The following ZNF521 variants were observed in gnomAD, a reference collection of about 807,000 sequenced individuals.
ZNF521 encodes the protein zinc finger protein 521, also known as LYST-interacting protein 3.
In ZNF521, 14 loss-of-function variants were observed where a neutral mutation model predicts 105.5. That is an observed-to-expected ratio of 0.13 (90% CI 0.09 to 0.21). ZNF521 has a LOEUF of 0.21. Ranked by LOEUF, ZNF521 falls within the 10% of genes least tolerant of loss-of-function variation. ZNF521 has a pLI of 1.00. For missense variants in ZNF521, 1,233 were observed against 1,629.7 expected (o/e 0.76, Z 4.19); for synonymous variants, 635 against 606.0 (o/e 1.05, Z -0.70).
intron 5 of ZNF521, among the ~76,000 whole-genome samples, chr18:25,102,673 G>T (rs1434450070): frequency 1.3e-5 from 2 of 152,044 alleles, no homozygotes; most frequent in Non-Finnish European, 2.9e-5. Flanking sequence ...GTGCTGCCAT[G>T]CATGGCCTGA....
intron 3 of ZNF521, among the ~76,000 whole-genome samples, chr18:25,244,312 A>ACT (rs760636094): frequency 1.6e-4 from 23 of 144,960 alleles, no homozygotes; most frequent in African/African-American, 4.9e-4. Flanking sequence ...ACACACACAC[A>ACT]CTCTCACCCT....
intron 5 of ZNF521, among the ~76,000 whole-genome samples, chr18:25,092,931 G>T (rs2033776953): frequency 6.6e-6 from 1 of 152,006 alleles, no homozygotes; most frequent in African/African-American, 2.4e-5. Context: ...AAAATGTAAG[G>T]ATTATCCTAA....
intron 5 of ZNF521, among the ~76,000 whole-genome samples, chr18:25,127,972 A>G (rs2034567468): frequency 6.6e-6 from 1 of 152,044 alleles, no homozygotes; most frequent in Non-Finnish European, 1.5e-5. Context: ...AACTCATTCT[A>G]TGATGCCAGC....
At position 25,062,465 on chromosome 18, in the gene ZNF521, T is replaced by C; in HGVS notation, c.*247A>G. On this transcript the variant is annotated 3_prime_UTR_variant, in exon 8 of 8. Coordinates refer to ENST00000361524, the MANE Select transcript of ZNF521 (RefSeq NM_015461.3). ...TTGCCTGAATAGGGCCCAAGTCCAC[T>C]TGTCTTTATAAGACCATTTTAGTAT... 2.2e-6 allele frequency: 1 copy of C among 464,728 alleles called. No individual in the cohort carries two copies. The highest frequency in any genetic ancestry group is 3.7e-6 in the Non-Finnish European group (1 of 272,814). 28.8% of individuals were successfully genotyped at this position (464,728 alleles called of 1,614,324 possible).
At chr18:25,064,231 G>A (rs2032990215) in intron 7 of ZNF521, among the ~76,000 whole-genome samples, 1 of 152,192 alleles carries the variant, frequency 6.6e-6, no homozygotes, top group South Asian at 2.1e-4. Flanking sequence ...GTACATAAAA[G>A]TAAAGCAAGA....
At chr18:25,303,398 C>G (rs996727709) in intron 3 of ZNF521, among the ~76,000 whole-genome samples, 3 of 151,820 alleles carry the variant, frequency 2.0e-5, no homozygotes, top group African/African-American at 7.3e-5. Flanking sequence ...TCTGGGTTCA[C>G]GCCATTCTCC....
At chr18:25,116,636 C>G (rs1361833318) in intron 5 of ZNF521, among the ~76,000 whole-genome samples, 3 of 151,892 alleles carry the variant, frequency 2.0e-5, no homozygotes, top group African/African-American at 7.2e-5. Context: ...AACCTGAAGG[C>G]ATTAGCATGT....
At position 25,308,063 on chromosome 18, in the gene ZNF521, G is replaced by A. The variant is rs544289086; in HGVS notation, c.220+13945C>T. Among the ~76,000 whole-genome samples the A allele has an allele frequency of 3.5e-4, 53 of 152,052 alleles. 1 individual carries two copies. In the South Asian group the frequency reaches 4.2e-3, roughly 12 times the overall value. On this transcript the variant is annotated intron_variant, in intron 3 of 7. Transcript: ENST00000361524. Reference sequence around the variant, plus strand: ...CTAAAAATATAAAAATTAGCTGGGCGTGATGGTGCATGCCTATAATCCCAG... The same window carrying A: ...CTAAAAATATAAAAATTAGCTGGGCATGATGGTGCATGCCTATAATCCCAG...
intron 5 of ZNF521, among the ~76,000 whole-genome samples, chr18:25,134,283 CTG>C (rs773701832): frequency 1.7e-4 from 26 of 152,246 alleles, no homozygotes; most frequent in Non-Finnish European, 1.5e-4. Flanking sequence ...AAGGAGGAAA[CTG>C]TTCTAGATCT....
At chr18:25,341,312 A>G (rs576949383) in intron 2 of ZNF521, among the ~76,000 whole-genome samples, 4 of 152,280 alleles carry the variant, frequency 2.6e-5, no homozygotes, top group Admixed American at 2.0e-4. Context: ...TTTCACCTCA[A>G]TTTTGTATAG....
chr18:25,137,425 G>A (rs993995391), intron 5 of ZNF521, among the ~76,000 whole-genome samples: 2 of 152,094 alleles, frequency 1.3e-5, no homozygotes, highest in African/African-American at 4.8e-5. Context: ...TTTCTTTGGC[G>A]GATTCCTCTG....
At chr18:25,267,291 A>C (rs1909335866) in intron 3 of ZNF521, among the ~76,000 whole-genome samples, 1 of 152,166 alleles carries the variant, frequency 6.6e-6, no homozygotes, top group African/African-American at 2.4e-5. Flanking sequence ...CGACTTATAG[A>C]TAAAACCCCC....
chr18:25,251,156 G>C (rs1028682725), intron 3 of ZNF521, among the ~76,000 whole-genome samples: 4 of 152,162 alleles, frequency 2.6e-5, no homozygotes, highest in African/African-American at 9.7e-5. Context: ...ATGCCGATTT[G>C]CTATATACTA....
chr18:25,263,636 T>C lies in ZNF521; in HGVS notation c.221-35939A>G, dbSNP rs147674617. 4.0e-3 allele frequency among the ~76,000 whole-genome samples: 605 copies of C among 152,256 alleles called. 9 individuals carry two copies. Among genetic ancestry groups the C allele is most frequent in the African/African-American group, 0.014 (581 of 41,548 alleles). Reference sequence around the variant, plus strand: ...TGTCGCCCAGGCTGGAGCACAATGATGCAATCTTGGCTCACTGCAACTTCT... The same window carrying C: ...TGTCGCCCAGGCTGGAGCACAATGACGCAATCTTGGCTCACTGCAACTTCT... On this transcript the variant is annotated intron_variant, in intron 3 of 7. Coordinates refer to ENST00000361524, the MANE Select transcript of ZNF521 (RefSeq NM_015461.3).
chr18:25,123,415 A>C (rs1236841791), intron 5 of ZNF521, among the ~76,000 whole-genome samples: 2 of 152,220 alleles, frequency 1.3e-5, no homozygotes, highest in African/African-American at 4.8e-5. Flanking sequence ...AGTCAATTGA[A>C]ATAATTCCGT....
At chr18:25,104,090 C>A (rs2144269224) in intron 5 of ZNF521, among the ~76,000 whole-genome samples, 1 of 152,224 alleles carries the variant, frequency 6.6e-6, no homozygotes, top group Middle Eastern at 3.4e-3. Context: ...ATATTACCTT[C>A]TTTAAAGCTA....
chr18:25,349,599 G>A (rs537723357), intron 2 of ZNF521, among the ~76,000 whole-genome samples: 5 of 152,208 alleles, frequency 3.3e-5, no homozygotes, highest in African/African-American at 1.2e-4. Flanking sequence ...ACAGCGGCCG[G>A]GGGCCGGGAG....
intron 5 of ZNF521, among the ~76,000 whole-genome samples, chr18:25,128,694 T>A (rs938955766): frequency 3.9e-5 from 6 of 151,992 alleles, no homozygotes; most frequent in Admixed American, 3.3e-4. Context: ...TGAGAACACA[T>A]CATTCATATT....
At chr18:25,125,402 T>G (rs1160913544) in intron 5 of ZNF521, among the ~76,000 whole-genome samples, 2 of 152,132 alleles carry the variant, frequency 1.3e-5, no homozygotes, top group Non-Finnish European at 2.9e-5. Context: ...TTAAGAAAAT[T>G]AGGCCCAATA....
Sources: allele counts gnomAD v4.1 joint callset (sites outside exome capture counted in the v4.1 genomes callset), GRCh38; gene constraint gnomAD v4.1.1; transcripts MANE v1.5; gene names NCBI Gene and HGNC (gene_info 2026-07-23, HGNC 2026-07-21).